The following SERPINB8 variants were observed in gnomAD, a reference collection of about 807,000 sequenced individuals.
The protein encoded by SERPINB8 is serpin B8.
In SERPINB8, 25 loss-of-function variants were observed where a neutral mutation model predicts 35.3. That is an observed-to-expected ratio of 0.71 (90% CI 0.52 to 0.99). SERPINB8 has a LOEUF of 0.99. Ranked by LOEUF, SERPINB8 falls within the 50% of genes least tolerant of loss-of-function variation. SERPINB8 has a pLI of 0.00. For missense variants in SERPINB8, 484 were observed against 446.5 expected (o/e 1.08, Z -0.76); for synonymous variants, 186 against 160.8 (o/e 1.16, Z -1.19).
chr18:64,010,580 T>C (rs968529380), downstream of SERPINB8, among the ~76,000 whole-genome samples: 1 of 152,158 alleles, frequency 6.6e-6, no homozygotes, highest in African/African-American at 2.4e-5. Flanking sequence ...ACTATTCATA[T>C]AGAACACAAT....
Position 63,994,730 on chromosome 18 carries a change from C to T in SERPINB8, c.70+9485C>T, listed in dbSNP as rs1599162342. Among the ~76,000 whole-genome samples, 7 of 152,226 alleles carry T rather than the reference C, an allele frequency of 4.6e-5. No homozygotes were observed. The South Asian group carries it at 1.5e-3, about 32-fold the overall frequency. Reference sequence around the variant, plus strand: ...GAGGCTATAGTAGCCCCGCAAGTCACCCTGGGGGTCCTCTGGGTCTACAAT... The same window carrying T: ...GAGGCTATAGTAGCCCCGCAAGTCATCCTGGGGGTCCTCTGGGTCTACAAT... On this transcript the variant is annotated intron_variant, in intron 1 of 1. Coordinates refer to the SERPINB8 transcript ENST00000493661.
At chr18:63,976,784 G>A (rs76403319) in intron 1 of SERPINB8, among the ~76,000 whole-genome samples, 2,893 of 152,230 alleles carry the variant, frequency 0.019, 48 homozygotes, top group Middle Eastern at 0.034. Context: ...GTGCTCCCTC[G>A]ATGACAAGAT....
At chr18:63,977,270 C>T (rs1366171267) in intron 1 of SERPINB8, among the ~76,000 whole-genome samples, 1 of 152,016 alleles carries the variant, frequency 6.6e-6, no homozygotes, top group African/African-American at 2.4e-5. Context: ...CTATACTGAC[C>T]TCAATGTGTT....
At chr18:63,990,692 G>A (rs1480879496), downstream of SERPINB8, among the ~76,000 whole-genome samples, 5 of 53,692 alleles carry the variant, frequency 9.3e-5, no homozygotes, top group Admixed American at 5.8e-4. Context: ...AACAGGCCCC[G>A]GGTGTGATGT....
intron 1 of SERPINB8, chr18:63,970,563 G>C (rs2050453492): frequency 6.6e-6 from 1 of 152,622 alleles, no homozygotes; most frequent in Non-Finnish European, 1.5e-5. Flanking sequence ...GGTGACGCGA[G>C]CAGTGAGTTT....
intron 1 of SERPINB8, among the ~76,000 whole-genome samples, chr18:63,971,215 A>G (rs142184304): frequency 3.3e-5 from 5 of 152,032 alleles, no homozygotes; most frequent in Admixed American, 6.5e-5. Context: ...CTACCTCCAG[A>G]TATTGGAAAT....
chr18:63,981,194 T>TG (rs1431585817), intron 3 of SERPINB8, among the ~76,000 whole-genome samples: 2 of 152,218 alleles, frequency 1.3e-5, no homozygotes, highest in African/African-American at 4.8e-5. Flanking sequence ...TCCATTCCCA[T>TG]GGGGCCTTCC....
At chr18:63,971,366 C>T (rs2144779143) in intron 1 of SERPINB8, among the ~76,000 whole-genome samples, 1 of 152,346 alleles carries the variant, frequency 6.6e-6, no homozygotes, top group Middle Eastern at 3.4e-3. Context: ...CATCCCCGTC[C>T]CTAACTGTTT....
chr18:64,015,388 T>C lies in SERPINB8; in HGVS notation c.*3-3522T>C, dbSNP rs192024530. Among the ~76,000 whole-genome samples the C allele has an allele frequency of 4.1e-3, 625 of 152,278 alleles. 2 individuals are homozygous for C. Among genetic ancestry groups the C allele is most frequent in the Non-Finnish European group, 6.6e-3 (449 of 68,002 alleles). ...CCTTGAGCAAGTTACTTAAAATCCT[T>C]TGGGCTCAAATTCTCCTTTGAAACA... On this transcript the variant is annotated intron_variant, in intron 7 of 7. Transcript: ENST00000636430.
chr18:63,990,384 T>C (rs1417985806), downstream of SERPINB8, among the ~76,000 whole-genome samples: 1 of 152,172 alleles, frequency 6.6e-6, no homozygotes, highest in Non-Finnish European at 1.5e-5. Context: ...CCTTTTGTTT[T>C]CTTATTGTAT....
At chr18:63,984,537 A>C (rs1194685525) in intron 5 of SERPINB8, among the ~76,000 whole-genome samples, 1 of 152,214 alleles carries the variant, frequency 6.6e-6, no homozygotes, top group Admixed American at 6.5e-5. Context: ...CATCCATCAA[A>C]TATGATACTC....
chr18:63,973,713 A>G (rs965925700), intron 1 of SERPINB8, among the ~76,000 whole-genome samples: 4 of 151,968 alleles, frequency 2.6e-5, no homozygotes, highest in African/African-American at 9.7e-5. Flanking sequence ...TACATATGCC[A>G]GTTTTCCCAG....
At chr18:63,985,322 C>T in intron 6 of SERPINB8, 77 bp downstream of exon 6, 1 of 1,523,602 alleles carries the variant, frequency 6.6e-7, no homozygotes, top group Non-Finnish European at 8.9e-7. Flanking sequence ...TACCAATTGG[C>T]ATTTGAGGAG....
chr18:63,974,455 C>T lies in SERPINB8; in HGVS notation c.-10-3844C>T, dbSNP rs540985932. On this transcript the variant is annotated intron_variant, in intron 1 of 6. Coordinates refer to ENST00000397985, the MANE Select transcript of SERPINB8 (RefSeq NM_002640.4). ...GAGGACAATATCATATACTTGGAAACGTAAGGCTTGCTTTTGAGGCTGACT... is the reference window on the plus strand; with the variant it reads ...GAGGACAATATCATATACTTGGAAATGTAAGGCTTGCTTTTGAGGCTGACT... Among the ~76,000 whole-genome samples, 5 of 152,248 alleles carry T rather than the reference C, an allele frequency of 3.3e-5. No individual in the cohort carries two copies. In the South Asian group the frequency reaches 6.2e-4, roughly 19 times the overall value.
chr18:63,971,734 A>C (rs1281520978), intron 1 of SERPINB8, among the ~76,000 whole-genome samples: 1 of 152,112 alleles, frequency 6.6e-6, no homozygotes, highest in Non-Finnish European at 1.5e-5. Context: ...GCCCCAATGC[A>C]CTCATATGAG....
chr18:63,981,624 CA>C, intron 3 of SERPINB8, 96 bp from the exon 4 acceptor site: 1 of 813,204 alleles, frequency 1.2e-6, no homozygotes, highest in East Asian at 2.5e-5. Flanking sequence ...CCTGTCCAAG[CA>C]CTTATTGTAG....
chr18:63,986,424 G>A, intron 6 of SERPINB8: 2 of 1,470,540 alleles, frequency 1.4e-6, no homozygotes, highest in Non-Finnish European at 9.0e-7. Flanking sequence ...TTTACTCTGA[G>A]TTGCCCTCTG....
intron 1 of SERPINB8, among the ~76,000 whole-genome samples, chr18:63,998,776 G>T (rs77004630): frequency 0.026 from 3,896 of 152,252 alleles, 150 homozygotes; most frequent in African/African-American, 0.089. Flanking sequence ...GCATGAACTT[G>T]CTTCTCCATT....
At chr18:63,982,057 C>G (rs1331571682) in intron 4 of SERPINB8, among the ~76,000 whole-genome samples, 1 of 152,146 alleles carries the variant, frequency 6.6e-6, no homozygotes. Context: ...TGACCTCCTC[C>G]CCTGTGGACC....
Sources: allele counts gnomAD v4.1 joint callset (sites outside exome capture counted in the v4.1 genomes callset), GRCh38; gene constraint gnomAD v4.1.1; transcripts MANE v1.5; gene names NCBI Gene and HGNC (gene_info 2026-07-23, HGNC 2026-07-21).